Variants in CEP112 observed in about 807,000 individuals in gnomAD.
The protein encoded by CEP112 is centrosomal protein 112.
A neutral mutation model predicts 153.0 loss-of-function variants in CEP112; 127 were observed. The ratio of observed to expected loss-of-function variants is 0.83; its 90% CI spans 0.72 to 0.96. CEP112 has a LOEUF of 0.96. Among genes scored for constraint, CEP112 ranks in the 40% least tolerant of loss-of-function variants. The pLI is 0.00. For missense variants in CEP112, 1,089 were observed against 1,101.2 expected (o/e 0.99, Z 0.16); for synonymous variants, 358 against 374.4 (o/e 0.96, Z 0.51).
intron 16 of CEP112, among the ~76,000 whole-genome samples, chr17:66,023,030 T>A (rs931231280): frequency 5.3e-5 from 8 of 151,800 alleles, no homozygotes; most frequent in South Asian, 2.1e-4. Flanking sequence ...AAATAAATTT[T>A]AAAAAAATGA....
At chr17:65,858,440 A>T (rs1168884327) in intron 20 of CEP112, among the ~76,000 whole-genome samples, 1 of 152,034 alleles carries the variant, frequency 6.6e-6, no homozygotes, top group East Asian at 1.9e-4. Context: ...TATTCCTGGA[A>T]ATTTGTCCAT....
chr17:66,102,055 T>A (rs949905727), intron 6 of CEP112, among the ~76,000 whole-genome samples: 3 of 152,186 alleles, frequency 2.0e-5, no homozygotes, highest in African/African-American at 7.2e-5. Flanking sequence ...TTTTCCACCT[T>A]ATATAGATAA....
intron 6 of CEP112, among the ~76,000 whole-genome samples, chr17:66,122,946 G>A (rs2069668444): frequency 1.3e-5 from 2 of 152,116 alleles, no homozygotes; most frequent in African/African-American, 4.8e-5. Context: ...AGCATCCTTA[G>A]GTTTGAACTT....
chr17:65,940,863 G>A (rs1004417813), intron 18 of CEP112, among the ~76,000 whole-genome samples: 1 of 152,102 alleles, frequency 6.6e-6, no homozygotes, highest in African/African-American at 2.4e-5. Flanking sequence ...TTCAAAATTG[G>A]TAAGAGAGTA....
chr17:66,090,505 T>C (rs953354053), intron 8 of CEP112, among the ~76,000 whole-genome samples: 1 of 152,076 alleles, frequency 6.6e-6, no homozygotes, highest in Non-Finnish European at 1.5e-5. Flanking sequence ...AGATGTTTTA[T>C]GTAAGCCTCG....
intron 6 of CEP112, among the ~76,000 whole-genome samples, chr17:66,129,080 A>G (rs575444485): frequency 6.6e-6 from 1 of 152,310 alleles, no homozygotes; most frequent in Admixed American, 6.5e-5. Flanking sequence ...GCATTTATGT[A>G]AAGTGAAATG....
chr17:65,773,695 C>T (rs1312841063), intron 21 of CEP112, among the ~76,000 whole-genome samples: 1 of 152,084 alleles, frequency 6.6e-6, no homozygotes, highest in African/African-American at 2.4e-5. Flanking sequence ...TTGCACATTA[C>T]CTGGATATTT....
At chr17:65,722,678 T>C (rs1257132682) in intron 23 of CEP112, among the ~76,000 whole-genome samples, 2 of 152,258 alleles carry the variant, frequency 1.3e-5, no homozygotes, top group African/African-American at 4.8e-5. Context: ...GTTAATACTC[T>C]GCTTATTAAG....
chr17:65,665,490 C>A (rs2046645551), intron 24 of CEP112, among the ~76,000 whole-genome samples: 1 of 152,152 alleles, frequency 6.6e-6, no homozygotes, highest in Admixed American at 6.6e-5. Flanking sequence ...AAAGACAAGC[C>A]TAGGATACTG....
chr17:66,044,391 T>G (rs1001950500), intron 12 of CEP112, among the ~76,000 whole-genome samples: 5 of 152,134 alleles, frequency 3.3e-5, no homozygotes, highest in African/African-American at 9.7e-5. Context: ...GTCCATGCCT[T>G]TAAATATCAA....
intron 22 of CEP112, among the ~76,000 whole-genome samples, chr17:65,748,245 G>A (rs1189912434): frequency 1.3e-5 from 2 of 152,172 alleles, no homozygotes; most frequent in African/African-American, 2.4e-5. Flanking sequence ...TGAGAAGGAT[G>A]GACTATCTTT....
intron 24 of CEP112, chr17:65,688,274 T>C (rs2047916675): frequency 6.6e-6 from 1 of 152,236 alleles, no homozygotes; most frequent in South Asian, 2.1e-4. Context: ...TATTTTGAAA[T>C]GATGACATAG....
chr17:66,057,780 C>T (rs971401368), intron 11 of CEP112, among the ~76,000 whole-genome samples: 2 of 151,698 alleles, frequency 1.3e-5, no homozygotes, highest in Admixed American at 6.6e-5. Flanking sequence ...CACACACACA[C>T]ACACACACAC....
At chr17:66,155,736 C>A (rs1310998700) in intron 4 of CEP112, among the ~76,000 whole-genome samples, 1 of 152,218 alleles carries the variant, frequency 6.6e-6, no homozygotes, top group South Asian at 2.1e-4. Flanking sequence ...ATTACTGAGG[C>A]TTGAGTAGCC....
intron 4 of CEP112, among the ~76,000 whole-genome samples, chr17:66,157,968 A>G (rs956779093): frequency 6.6e-6 from 1 of 152,142 alleles, no homozygotes; most frequent in Non-Finnish European, 1.5e-5. Context: ...TGTCAATATC[A>G]GCCAGATCAA....
rs540647759 is a variant in CEP112 at position 65,928,007 on chromosome 17, T to A, written c.1873-318A>T. Among the ~76,000 whole-genome samples the A allele has an allele frequency of 1.1e-4, 16 of 152,310 alleles. No homozygotes were observed. In the South Asian group the frequency reaches 2.1e-3, roughly 20 times the overall value. On this transcript the variant is annotated intron_variant, in intron 18 of 26. Coordinates refer to ENST00000535342, the MANE Select transcript of CEP112 (RefSeq NM_001199165.4). ...AGCCCTTGGTATGTGCTGAATGAGA[T>A]AAAATATTTCCAAATCATATCTCTA...
At chr17:65,992,172 T>C (rs910134448) in intron 17 of CEP112, among the ~76,000 whole-genome samples, 6 of 152,192 alleles carry the variant, frequency 3.9e-5, no homozygotes, top group African/African-American at 1.4e-4. Flanking sequence ...GCAGTTTTAG[T>C]ATCTTTAAGG....
intron 21 of CEP112, among the ~76,000 whole-genome samples, chr17:65,771,657 A>G (rs2053361615): frequency 1.3e-5 from 2 of 152,324 alleles, no homozygotes; most frequent in South Asian, 2.1e-4. Flanking sequence ...TTAGAAATCC[A>G]TAACAGAAAT....
At chr17:65,871,450 A>T (rs1437160252) in intron 20 of CEP112, among the ~76,000 whole-genome samples, 1 of 152,136 alleles carries the variant, frequency 6.6e-6, no homozygotes, top group Non-Finnish European at 1.5e-5. Context: ...CCTGGCTAAC[A>T]TGGTGAAACC....
Sources: gnomAD v4.1 joint callset for allele counts (sites outside exome capture counted in the v4.1 genomes callset) on GRCh38, gnomAD v4.1.1 for gene constraint, MANE v1.5 for transcripts, NCBI Gene and HGNC (gene_info 2026-07-23, HGNC 2026-07-21) for gene names.